The following BBS9 variants were observed in gnomAD, a reference collection of about 807,000 sequenced individuals.
The protein encoded by BBS9 is protein PTHB1.
In BBS9, 89 loss-of-function variants were observed where a neutral mutation model predicts 117.7. The ratio of observed to expected loss-of-function variants is 0.76; its 90% confidence interval spans 0.64 to 0.90. BBS9 has a LOEUF of 0.90. Ranked by LOEUF, BBS9 falls within the 40% of genes least tolerant of loss-of-function variation. The probability of loss-of-function intolerance (pLI) is 0.00; values close to 1 mark genes in which losing one functional copy is unlikely to be tolerated. For synonymous variants in BBS9, 379 were observed against 370.9 expected (o/e 1.02, Z -0.25); for missense variants, 982 against 1,042.2 (o/e 0.94, Z 0.80).
intron 12 of BBS9, 138 bp downstream of exon 12, chr7:33,344,772 G>T: frequency 2.3e-6 from 2 of 872,070 alleles, no homozygotes; most frequent in South Asian, 2.8e-5. Flanking sequence ...CCCCAGCCTT[G>T]AGTAGTGAAT....
intron 20 of BBS9, among the ~76,000 whole-genome samples, chr7:33,515,987 T>A (rs776995311): frequency 6.6e-6 from 1 of 152,216 alleles, no homozygotes; most frequent in Non-Finnish European, 1.5e-5. Context: ...TAAAAGATAA[T>A]TTAAATGGTA....
At chr7:33,317,657 T>G (rs528686792) in intron 9 of BBS9, among the ~76,000 whole-genome samples, 1 of 152,360 alleles carries the variant, frequency 6.6e-6, no homozygotes, top group Admixed American at 6.5e-5. Flanking sequence ...TTTTCTTTCC[T>G]GGATTTACTG....
chr7:33,519,839 A>G (rs111760897), intron 20 of BBS9, among the ~76,000 whole-genome samples: 10 of 152,296 alleles, frequency 6.6e-5, no homozygotes, highest in African/African-American at 1.9e-4. Context: ...TTACAGCTAT[A>G]TAGTCCTGGA....
chr7:33,171,449 C>G (rs1276436229), intron 4 of BBS9, among the ~76,000 whole-genome samples: 13 of 152,184 alleles, frequency 8.5e-5, no homozygotes, highest in Admixed American at 8.5e-4. Flanking sequence ...ACTATGTATA[C>G]AAAATTGTTT....
At chr7:33,374,016 T>C (rs1823340845) in intron 17 of BBS9, among the ~76,000 whole-genome samples, 1 of 152,200 alleles carries the variant, frequency 6.6e-6, no homozygotes, top group East Asian at 1.9e-4. Context: ...TCAGCAGACA[T>C]GTTAGGTATA....
At chr7:33,467,880 G>A (rs571120529) in intron 19 of BBS9, among the ~76,000 whole-genome samples, 3 of 152,106 alleles carry the variant, frequency 2.0e-5, no homozygotes, top group Non-Finnish European at 2.9e-5. Flanking sequence ...AGTGATAAGA[G>A]AAATCAACAC....
At chr7:33,240,260 CTTTT>C (rs5883390) in intron 5 of BBS9, among the ~76,000 whole-genome samples, 3 of 139,376 alleles carry the variant, frequency 2.2e-5, no homozygotes, top group Non-Finnish European at 3.1e-5. Flanking sequence ...CTTCATTGTT[CTTTT>C]TTTTTTTTTT....
intron 18 of BBS9, among the ~76,000 whole-genome samples, chr7:33,385,175 T>G (rs1169570612): frequency 6.6e-6 from 1 of 152,194 alleles, no homozygotes; most frequent in Non-Finnish European, 1.5e-5. Flanking sequence ...GTTTGACATA[T>G]AATTTTCCCT....
chr7:33,294,651 C>T (rs372427678), intron 9 of BBS9, among the ~76,000 whole-genome samples: 2 of 152,122 alleles, frequency 1.3e-5, no homozygotes, highest in East Asian at 3.8e-4. Context: ...AAATAAATCA[C>T]ATTTAGAAGC....
intron 17 of BBS9, among the ~76,000 whole-genome samples, chr7:33,381,951 A>C (rs952802293): frequency 2.0e-5 from 3 of 152,174 alleles, no homozygotes; most frequent in African/African-American, 7.2e-5. Flanking sequence ...AAGTAATTGC[A>C]TTTATAAAAT....
At chr7:33,632,190 C>T (rs1015308930) in intron 21 of BBS9, among the ~76,000 whole-genome samples, 3 of 152,126 alleles carry the variant, frequency 2.0e-5, no homozygotes, top group Non-Finnish European at 4.4e-5. Flanking sequence ...CTTACTTCCT[C>T]CTGTCCTCGG....
chr7:33,331,661 CA>C (rs34096023), intron 9 of BBS9, among the ~76,000 whole-genome samples: 12,327 of 116,662 alleles, frequency 0.11, 541 homozygotes, highest in African/African-American at 0.11. Context: ...TTACAACTGC[CA>C]AAAAAAAAAA....
intron 9 of BBS9, among the ~76,000 whole-genome samples, chr7:33,280,926 T>TC (rs1801749503): frequency 6.8e-6 from 1 of 148,124 alleles, no homozygotes; most frequent in South Asian, 2.1e-4. Context: ...TTTTTTTTTT[T>TC]TTTTGCATTA....
chr7:33,630,177 G>C (rs988617775), intron 21 of BBS9, among the ~76,000 whole-genome samples: 1 of 152,050 alleles, frequency 6.6e-6, no homozygotes, highest in Non-Finnish European at 1.5e-5. Flanking sequence ...ACACAGAAAC[G>C]AGACATAAGC....
chr7:33,550,290 T>G (rs960290378), intron 21 of BBS9, among the ~76,000 whole-genome samples: 3 of 152,200 alleles, frequency 2.0e-5, no homozygotes, highest in Non-Finnish European at 4.4e-5. Flanking sequence ...TTTTTTTGTA[T>G]TTTCCTTTAG....
chr7:33,340,946 G>T lies in BBS9; in HGVS notation c.1248G>T (p.Val416=). 6.2e-7 allele frequency: 1 copy of T among 1,613,534 alleles called. No homozygotes were observed. The highest frequency in any genetic ancestry group is 8.5e-7 in the Non-Finnish European group (1 of 1,179,646). The change falls in exon 11 of 23, where the codon GTG becomes GTT. Residue 416 remains valine, a synonymous_variant. Transcript: ENST00000242067. ...EREDDLNVSV[V]VSPNFDSVSQ... is the part of the protein sequence containing the mutation. ...AAGATGACTTGAACGTTTCTGTCGT[G>T]GTTTCTCCTAACTTTGATTCAGTTT... is the stretch of plus-strand genomic sequence containing the variant.
At chr7:33,591,038 A>T (rs1030665043) in intron 21 of BBS9, among the ~76,000 whole-genome samples, 1 of 152,046 alleles carries the variant, frequency 6.6e-6, no homozygotes, top group South Asian at 2.1e-4. Flanking sequence ...GAGAAACAGG[A>T]TAGAATACAG....
At chr7:33,457,053 G>C (rs1204287823) in intron 19 of BBS9, among the ~76,000 whole-genome samples, 2 of 152,174 alleles carry the variant, frequency 1.3e-5, no homozygotes, top group Non-Finnish European at 1.5e-5. Context: ...CCTAAGAGGG[G>C]GCCATACGTG....
downstream of BBS9, chr7:33,606,218 G>A (rs894777899): frequency 6.6e-6 from 1 of 152,018 alleles, no homozygotes; most frequent in Non-Finnish European, 1.5e-5. Context: ...ACATCATTAT[G>A]ATCATTTATA....
Sources: allele counts gnomAD v4.1 joint callset (sites outside exome capture counted in the v4.1 genomes callset), GRCh38; gene constraint gnomAD v4.1.1; transcripts MANE v1.5; gene names NCBI Gene and HGNC (gene_info 2026-07-23, HGNC 2026-07-21).